The following EPAS1 variants were observed in gnomAD, a reference collection of about 807,000 sequenced individuals.
EPAS1 encodes the protein endothelial PAS domain-containing protein 1.
A neutral mutation model predicts 87.9 loss-of-function variants in EPAS1; 23 were observed. That is an observed-to-expected ratio of 0.26 (90% confidence interval 0.19 to 0.37). The LOEUF (loss-of-function observed/expected upper bound fraction) is 0.37, where lower values mean the gene tolerates loss of function less well. EPAS1 is among the 10% of genes least tolerant of loss of function. The pLI is 1.00. For synonymous variants in EPAS1, 508 were observed against 444.3 expected (o/e 1.14, Z -1.80); for missense variants, 1,138 against 1,120.7 (o/e 1.02, Z -0.22).
At chr2:46,372,152 C>G (rs1012557359) in intron 7 of EPAS1, among the ~76,000 whole-genome samples, 3 of 152,180 alleles carry the variant, frequency 2.0e-5, no homozygotes, top group Non-Finnish European at 2.9e-5. Context: ...ATCACAGGCT[C>G]TCTCTCCCCT....
At chr2:46,339,764 AAGT>A (rs1558593531) in intron 1 of EPAS1, among the ~76,000 whole-genome samples, 2 of 152,224 alleles carry the variant, frequency 1.3e-5, no homozygotes, top group Admixed American at 6.5e-5. Context: ...GGATGCTGGG[AAGT>A]CCAGTGTCCA....
At chr2:46,320,897 A>G (rs1683443353) in intron 1 of EPAS1, among the ~76,000 whole-genome samples, 1 of 152,224 alleles carries the variant, frequency 6.6e-6, no homozygotes, top group Non-Finnish European at 1.5e-5. Context: ...ATAACAAAAA[A>G]TGTTTACCAT....
At chr2:46,383,233 C>CT (rs1165857747) in intron 15 of EPAS1, among the ~76,000 whole-genome samples, 1 of 152,190 alleles carries the variant, frequency 6.6e-6, no homozygotes, top group East Asian at 1.9e-4. Flanking sequence ...GGGTGTCACT[C>CT]TGAGTTCAGG....
chr2:46,356,462 C>A (rs1684274403), intron 3 of EPAS1, among the ~76,000 whole-genome samples, 160 bp downstream of exon 3: 1 of 152,216 alleles, frequency 6.6e-6, no homozygotes, highest in South Asian at 2.1e-4. Flanking sequence ...ACGCTCCCAC[C>A]CCCAAGCATT....
Position 46,375,655 on chromosome 2 carries a change from C to A in EPAS1, c.887-35C>A, listed in dbSNP as rs752194343. On this transcript the variant is annotated intron_variant, in intron 7 of 15. Transcript: ENST00000263734. The surrounding 1 kb of genome is among the most constrained non-coding windows in gnomAD (Gnocchi z 4.1). ...GCCTGTGGTGCACACCCCTGCCCCA[C>A]CTCCCTAAGCTCAGCTCTGTTTCTC... 2 of 1,609,390 alleles carry A rather than the reference C, an allele frequency of 1.2e-6. No homozygotes were observed. Among genetic ancestry groups the A allele is most frequent in the Non-Finnish European group, 1.7e-6 (2 of 1,177,760 alleles).
At position 46,360,944 on chromosome 2, in the gene EPAS1, G is replaced by A. The variant is rs1336448806; in HGVS notation, c.633G>A (p.Leu211=). 6.2e-7 allele frequency: 1 copy of A among 1,614,192 alleles called. No individual in the cohort carries two copies. The highest frequency in any genetic ancestry group is 1.6e-4 in the Middle Eastern group (1 of 6,062). The change falls in exon 6 of 16, where the codon CTG becomes CTA. Residue 211 remains leucine (L), a synonymous_variant. Coordinates refer to ENST00000263734, the MANE Select transcript of EPAS1 (RefSeq NM_001430.5). The surrounding 1 kb of genome is among the most constrained non-coding windows in gnomAD (Gnocchi z 4.5). The part of the protein sequence containing the change: ...VYNNCPPHNS[L]CGYKEPLLSC... ...ACAACTGCCCTCCTCACAATAGTCT[G>A]TGTGGCTACAAGGAGCCCCTGCTGT...
chr2:46,367,012 G>C (rs78458654), intron 6 of EPAS1, among the ~76,000 whole-genome samples: 2,064 of 152,322 alleles, frequency 0.014, 53 homozygotes, highest in African/African-American at 0.047. Flanking sequence ...GTATTTCCCA[G>C]TTTTTATAGT....
intron 1 of EPAS1, among the ~76,000 whole-genome samples, chr2:46,333,842 G>T (rs1345014619): frequency 6.6e-6 from 1 of 151,888 alleles, no homozygotes; most frequent in Non-Finnish European, 1.5e-5. Flanking sequence ...TTTTATTCTT[G>T]GTCAGTGGTA....
At chr2:46,332,927 G>A (rs1683717377) in intron 1 of EPAS1, among the ~76,000 whole-genome samples, 1 of 152,198 alleles carries the variant, frequency 6.6e-6, no homozygotes, top group Admixed American at 6.5e-5. Flanking sequence ...GACGGGTCAG[G>A]AGGGGAGGGG....
In EPAS1 at chr2:46,329,108, G is replaced by A. The variant is rs144462137; in HGVS notation, c.27-17765G>A. On this transcript the variant is annotated intron_variant, in intron 1 of 15. Coordinates refer to ENST00000263734, the MANE Select transcript of EPAS1 (RefSeq NM_001430.5). ...TTGATAGAGTGTTAGAGCTTCCTGG[G>A]TTTTTAAAGTCAAGTTGCATATTAC... Among the ~76,000 whole-genome samples the A allele has an allele frequency of 3.1e-3, 478 of 152,306 alleles. 13 individuals carry two copies. In the South Asian group the frequency reaches 0.074, roughly 24 times the overall value.
In EPAS1 at chr2:46,385,585, C is replaced by T. The variant is rs926252596; in HGVS notation, c.*925C>T. ...GACACTGTGGAAGGCCTCCCTCTGT[C>T]GGCTTTTTGCCATCTGTGATATGCC... On this transcript the variant is annotated 3_prime_UTR_variant, in exon 16 of 16. Coordinates refer to ENST00000263734, the MANE Select transcript of EPAS1 (RefSeq NM_001430.5). 2 of 152,236 alleles carry T rather than the reference C, an allele frequency of 1.3e-5. No individual in the cohort carries two copies. The highest frequency in any genetic ancestry group is 4.1e-4 in the South Asian group (2 of 4,834). 9.4% of individuals were successfully genotyped at this position (152,236 alleles called of 1,614,324 possible).
At chr2:46,299,089 TAAGG>T (rs1369351358) in intron 1 of EPAS1, among the ~76,000 whole-genome samples, 1 of 152,222 alleles carries the variant, frequency 6.6e-6, no homozygotes, top group African/African-American at 2.4e-5. Context: ...ACCGACTCGC[TAAGG>T]GAGGGAGGTG....
intron 6 of EPAS1, among the ~76,000 whole-genome samples, chr2:46,363,905 C>T (rs1015684768): frequency 3.9e-5 from 6 of 152,104 alleles, no homozygotes; most frequent in African/African-American, 1.4e-4. Context: ...TGTGTTTAAC[C>T]GATTAGCAGA....
chr2:46,377,689 C>G (rs542316398), intron 9 of EPAS1, among the ~76,000 whole-genome samples: 48 of 152,290 alleles, frequency 3.2e-4, no homozygotes, highest in African/African-American at 1.1e-3. Flanking sequence ...GAGACTGTTC[C>G]GTTTAAAGGG....
At position 46,382,522 on chromosome 2, in the gene EPAS1, C is replaced by A. The variant is rs1383098307; in HGVS notation, c.2385C>A (p.Ser795Arg). The A allele has an allele frequency of 1.9e-6, 3 of 1,614,174 alleles. No individual in the cohort carries two copies. Among genetic ancestry groups the A allele is most frequent in the Non-Finnish European group, 2.5e-6 (3 of 1,180,040 alleles). ...PPSAISPGEN[S>R]KSRFPPQCYA... ...CTGCCATCAGTCCCGGGGAGAACAG[C>A]AAGAGCAGGTTCCCCCCACAGTGCT... The change falls in exon 15 of 16, where the codon AGC becomes AGA. Residue 795 changes from serine (S) to arginine (R), a missense_variant. By Grantham distance (110) the Ser-to-Arg change is moderately radical (BLOSUM62 -1). This residue lies in a region of EPAS1 where 502 missense variants were observed against 427.1 expected (regional missense o/e 1.18). Coordinates refer to ENST00000263734, the MANE Select transcript of EPAS1 (RefSeq NM_001430.5).
intron 1 of EPAS1, among the ~76,000 whole-genome samples, chr2:46,305,334 A>G (rs1369745108): frequency 1.3e-5 from 2 of 152,166 alleles, no homozygotes; most frequent in Non-Finnish European, 2.9e-5. Context: ...TTTCTTAAGA[A>G]ATACCTGTTT....
intron 1 of EPAS1, 46 bp downstream of exon 1, chr2:46,297,983 G>A (rs2104831456): frequency 6.2e-7 from 1 of 1,604,724 alleles, no homozygotes; most frequent in Non-Finnish European, 8.5e-7. Context: ...CGAGGCCAGG[G>A]CCGGGCTGCG....
chr2:46,328,185 G>A (rs1300871970), intron 1 of EPAS1, among the ~76,000 whole-genome samples: 1 of 152,306 alleles, frequency 6.6e-6, no homozygotes, highest in Non-Finnish European at 1.5e-5. Flanking sequence ...GAGTGGTGTA[G>A]ACAGTAAGTG....
intron 1 of EPAS1, among the ~76,000 whole-genome samples, chr2:46,328,531 T>C (rs10208823): frequency 0.67 from 102,127 of 152,136 alleles, 36,546 homozygotes; most frequent in East Asian, 0.97. Flanking sequence ...TTGATGGGCC[T>C]GTTTATGACC....
Sources: gnomAD v4.1 joint callset for allele counts (sites outside exome capture counted in the v4.1 genomes callset) on GRCh38, gnomAD v4.1.1 for gene constraint, gnomAD v4.1.1 regional missense constraint, Gnocchi (gnomAD v3.1) non-coding constraint, MANE v1.5 for transcripts, NCBI Gene and HGNC (gene_info 2026-07-23, HGNC 2026-07-21) for gene names.